Variants in CEP70 observed in about 807,000 individuals in gnomAD.
CEP70 encodes the protein centrosomal protein 70, also known as centrosomal protein of 70 kDa.
A neutral mutation model predicts 90.9 loss-of-function variants in CEP70; 70 were observed. The observed-to-expected ratio is 0.77, with a 90% CI of 0.64 to 0.94. The LOEUF (loss-of-function observed/expected upper bound fraction) is 0.94. Ranked by LOEUF, CEP70 falls within the 40% of genes least tolerant of loss-of-function variation. CEP70 has a pLI of 0.00. For missense variants in CEP70, 648 were observed against 669.0 expected, an observed-to-expected ratio of 0.97 and a Z score of 0.35; for synonymous variants, 220 against 228.3, an observed-to-expected ratio of 0.96 and a Z score of 0.33.
chr3:138,576,356 GAC>G (rs1011018789), intron 2 of CEP70, among the ~76,000 whole-genome samples: 21 of 152,154 alleles, frequency 1.4e-4, no homozygotes, highest in Non-Finnish European at 3.1e-4. Context: ...AGATAAAGAA[GAC>G]CATTACATAA....
intron 12 of CEP70, among the ~76,000 whole-genome samples, chr3:138,507,093 A>G (rs746026403): frequency 6.6e-5 from 10 of 152,182 alleles, no homozygotes; most frequent in Non-Finnish European, 1.2e-4. Flanking sequence ...CTCAGAAACA[A>G]AATGAAATCC....
rs2034109704 is a variant in CEP70, at chr3:138,498,069, G to T, written c.1694C>A (p.Ala565Glu). Residue 565 changes from alanine to glutamate, a missense_variant, in exon 17 of 18, where the codon GCA becomes GAA. Ala to Glu is a moderately radical substitution (Grantham distance 107). Transcript: ENST00000264982. ...TAGATCATTAGTAAATGCCTGAAATGCTGGGAAAAATTCCTCGTGTTCTTC... is the reference window on the plus strand; with the variant it reads ...TAGATCATTAGTAAATGCCTGAAATTCTGGGAAAAATTCCTCGTGTTCTTC... ...KLEEHEEFFP[A>E]FQAFTNDLLE... The T allele has an allele frequency of 6.2e-7, 1 of 1,613,100 alleles. No homozygotes were observed. The highest frequency in any genetic ancestry group is 8.5e-7 in the Non-Finnish European group (1 of 1,179,646).
intron 11 of CEP70, among the ~76,000 whole-genome samples, chr3:138,517,276 G>A (rs73229524): frequency 0.069 from 10,505 of 152,186 alleles, 491 homozygotes; most frequent in Non-Finnish European, 0.1. Flanking sequence ...CTTAAACTGT[G>A]AAACCAGAAA....
chr3:138,518,500 C>T (rs561293981), intron 11 of CEP70, among the ~76,000 whole-genome samples: 116 of 152,270 alleles, frequency 7.6e-4, no homozygotes, highest in Non-Finnish European at 1.5e-3. Context: ...GAAGAATGAT[C>T]GGGCAGCAAC....
rs540362575 is a variant in CEP70 at position 138,519,568 on chromosome 3, C to T, written c.944+5922G>A. Among the ~76,000 whole-genome samples the T allele has an allele frequency of 4.7e-3, 713 of 152,210 alleles. 3 individuals carry two copies. Among genetic ancestry groups the T allele is most frequent in the African/African-American group, 0.017 (686 of 41,514 alleles). ...AAAGAATTTTCAACCCAGAATTTCA[C>T]ATCCAGCCAAACTAAGCTTCATAAG... is the stretch of plus-strand genomic sequence containing the variant. On this transcript the variant is annotated intron_variant, in intron 11 of 17. Transcript: ENST00000264982.
chr3:138,529,094 A>C (rs2037559957), intron 10 of CEP70, 105 bp downstream of exon 10: 2 of 630,988 alleles, frequency 3.2e-6, no homozygotes, highest in Non-Finnish European at 5.5e-6. Context: ...TGAGCCCTGG[A>C]GGTCAAGGCT....
Position 138,561,376 on chromosome 3 carries a change from C to T in CEP70, c.465+8942G>A, listed in dbSNP as rs35401388. 9.3e-3 allele frequency among the ~76,000 whole-genome samples: 1,412 copies of T among 152,158 alleles called. 10 individuals carry two copies. Among genetic ancestry groups the T allele is most frequent in the Middle Eastern group, 0.02 (6 of 294 alleles). On this transcript the variant is annotated intron_variant, in intron 6 of 17. Transcript: ENST00000264982. ...AGCAAAAAGGATGTCCACTCAGAGACCCCATCATAAGGTCATCAATATCAG... is the reference window on the plus strand; with the variant it reads ...AGCAAAAAGGATGTCCACTCAGAGATCCCATCATAAGGTCATCAATATCAG...
intron 6 of CEP70, among the ~76,000 whole-genome samples, chr3:138,546,093 A>G (rs2039174745): frequency 6.6e-6 from 1 of 152,124 alleles, no homozygotes; most frequent in African/African-American, 2.4e-5. Flanking sequence ...AGTCTTTAAT[A>G]AAAACCTGCT....
chr3:138,518,166 G>C (rs1016096166), intron 11 of CEP70, among the ~76,000 whole-genome samples: 1 of 152,192 alleles, frequency 6.6e-6, no homozygotes, highest in Non-Finnish European at 1.5e-5. Flanking sequence ...GGCTTGAGTA[G>C]GTAAACAAAG....
At chr3:138,589,446 G>A (rs1477974300) in intron 2 of CEP70, among the ~76,000 whole-genome samples, 1 of 151,386 alleles carries the variant, frequency 6.6e-6, no homozygotes, top group African/African-American at 2.4e-5. Flanking sequence ...CTTGAGCCTG[G>A]GTTCATGACC....
chr3:138,503,759 G>T (rs1404907729), intron 13 of CEP70, among the ~76,000 whole-genome samples: 1 of 152,112 alleles, frequency 6.6e-6, no homozygotes, highest in Non-Finnish European at 1.5e-5. Context: ...CCATGGCAAA[G>T]CCCTTCTTGG....
In CEP70 at chr3:138,572,861, G is replaced by T; in HGVS notation, c.67C>A (p.Gln23Lys). 6.3e-7 allele frequency: 1 copy of T among 1,588,266 alleles called. No homozygotes were observed. Among genetic ancestry groups the T allele is most frequent in the Non-Finnish European group, 8.6e-7 (1 of 1,157,254 alleles). Residue 23 changes from glutamine to lysine, a missense_variant and splice_region_variant, in exon 3 of 18, where the codon CAG becomes AAG. Physicochemically the swap from Gln to Lys is moderately conservative, Grantham distance 53. Coordinates refer to ENST00000264982, the MANE Select transcript of CEP70 (RefSeq NM_024491.4). ...GTCTTAAAATATTTTAAGTTTACCT[G>T]TTTTTCAGTCATGAGTCTGTCTGAT... is the stretch of plus-strand genomic sequence containing the variant. The part of the protein sequence containing the change: ...QPSDRLMTEK[Q>K]QEEAEWESIN...
At chr3:138,535,679 A>T (rs2038202542) in intron 7 of CEP70, among the ~76,000 whole-genome samples, 1 of 152,176 alleles carries the variant, frequency 6.6e-6, no homozygotes. Context: ...ACAAATTCAT[A>T]CCTGAATTAG....
chr3:138,589,331 T>C (rs1014375800), intron 2 of CEP70, among the ~76,000 whole-genome samples: 2 of 152,036 alleles, frequency 1.3e-5, no homozygotes, highest in African/African-American at 4.8e-5. Flanking sequence ...CAGTGATATA[T>C]TCTAATATTA....
intron 2 of CEP70, among the ~76,000 whole-genome samples, chr3:138,589,790 T>A (rs2042288360): frequency 6.6e-6 from 1 of 152,212 alleles, no homozygotes; most frequent in South Asian, 2.1e-4. Flanking sequence ...AAAGGAGTAA[T>A]GTATTTAAGA....
intron 11 of CEP70, among the ~76,000 whole-genome samples, chr3:138,518,673 C>T (rs1242953391): frequency 6.6e-6 from 1 of 152,118 alleles, no homozygotes; most frequent in Non-Finnish European, 1.5e-5. Flanking sequence ...ACACCAAAAC[C>T]CCATCTGTAC....
At chr3:138,521,336 C>A (rs1418606237) in intron 11 of CEP70, among the ~76,000 whole-genome samples, 1 of 147,240 alleles carries the variant, frequency 6.8e-6, no homozygotes, top group Non-Finnish European at 1.5e-5. Context: ...TGCCTCTTCC[C>A]GGCCGCCACC....
chr3:138,535,125 T>C (rs1175139651), intron 7 of CEP70, among the ~76,000 whole-genome samples: 4 of 152,332 alleles, frequency 2.6e-5, no homozygotes, highest in East Asian at 3.9e-4. Context: ...TATTGTCATA[T>C]TGTCTCTTAA....
intron 6 of CEP70, 107 bp downstream of exon 6, chr3:138,570,211 C>A: frequency 1.5e-6 from 1 of 675,596 alleles, no homozygotes; most frequent in Non-Finnish European, 2.4e-6. Context: ...AGTGATAAGC[C>A]AAAAAAGGTA....
Sources: gnomAD v4.1 joint callset for allele counts (sites outside exome capture counted in the v4.1 genomes callset) on GRCh38, gnomAD v4.1.1 for gene constraint, MANE v1.5 for transcripts, NCBI Gene and HGNC (gene_info 2026-07-23, HGNC 2026-07-21) for gene names.